The following MAGI2 variants were observed in gnomAD, a reference collection of about 807,000 sequenced individuals.
MAGI2 encodes membrane-associated guanylate kinase, WW and PDZ domain-containing protein 2.
Under a neutral mutation model 133.3 loss-of-function variants are expected in MAGI2, and 35 were observed. That is an observed-to-expected ratio of 0.26 (90% CI 0.20 to 0.35). The LOEUF (loss-of-function observed/expected upper bound fraction) is 0.35, where lower values mean the gene tolerates loss of function less well. Ranked by LOEUF, MAGI2 falls within the 10% of genes least tolerant of loss-of-function variation. The pLI, the probability that MAGI2 is intolerant of heterozygous loss-of-function variation, is 1.00. For synonymous variants in MAGI2, 729 were observed against 710.6 expected (o/e 1.03, Z -0.41); for missense variants, 1,636 against 1,863.4 (o/e 0.88, Z 2.25).
intron 1 of MAGI2, among the ~76,000 whole-genome samples, chr7:79,418,865 A>G (rs968136567): frequency 8.2e-5 from 7 of 84,898 alleles, no homozygotes; most frequent in East Asian, 3.4e-4. Context: ...ACACACACAC[A>G]CACGCACACA....
intron 1 of MAGI2, among the ~76,000 whole-genome samples, chr7:79,337,321 G>A (rs1209946463): frequency 1.3e-5 from 2 of 152,146 alleles, no homozygotes; most frequent in East Asian, 1.9e-4. Flanking sequence ...AATTCATTGT[G>A]AATTCTATAG....
Position 78,810,920 on chromosome 7 carries a change from A to G in MAGI2, c.419-183681T>C, listed in dbSNP as rs1346960349. 2.0e-5 allele frequency among the ~76,000 whole-genome samples: 3 copies of G among 152,080 alleles called. No homozygotes were observed. In the South Asian group the frequency reaches 6.2e-4, roughly 31 times the overall value. Reference sequence around the variant, plus strand: ...GGAATAATGAGTCATTATTTCTTCTAAAACTTATTTCAAATTATAAGATAT... The same window carrying G: ...GGAATAATGAGTCATTATTTCTTCTGAAACTTATTTCAAATTATAAGATAT... On this transcript the variant is annotated intron_variant, in intron 2 of 21. Coordinates refer to ENST00000354212, the MANE Select transcript of MAGI2 (RefSeq NM_012301.4).
chr7:78,241,650 T>G (rs941915038), intron 10 of MAGI2, among the ~76,000 whole-genome samples: 4 of 152,116 alleles, frequency 2.6e-5, no homozygotes, highest in East Asian at 1.9e-4. Flanking sequence ...AAAGATTTCA[T>G]GGCCAGGTGC....
intron 2 of MAGI2, among the ~76,000 whole-genome samples, chr7:78,950,062 C>G (rs566502725): frequency 6.6e-6 from 1 of 152,142 alleles, no homozygotes; most frequent in Admixed American, 6.5e-5. Flanking sequence ...CTTCTTTCCC[C>G]TCCTCTGCAT....
intron 2 of MAGI2, among the ~76,000 whole-genome samples, chr7:78,786,740 A>G (rs37852): frequency 0.69 from 104,206 of 152,020 alleles, 36,017 homozygotes; most frequent in African/African-American, 0.74. Flanking sequence ...ATTTTTCTTT[A>G]GTGCTTATCA....
intron 2 of MAGI2, among the ~76,000 whole-genome samples, chr7:78,740,506 G>A (rs1822308554): frequency 6.6e-6 from 1 of 152,128 alleles, no homozygotes. Flanking sequence ...CAGAAGCGAT[G>A]GTACTTGTAC....
intron 3 of MAGI2, among the ~76,000 whole-genome samples, chr7:78,599,076 G>T (rs145578586): frequency 2.2e-4 from 33 of 152,246 alleles, no homozygotes; most frequent in African/African-American, 7.5e-4. Context: ...TAAAGATGCA[G>T]ATTTATCATT....
intron 2 of MAGI2, among the ~76,000 whole-genome samples, chr7:78,844,850 A>G (rs1340527271): frequency 6.6e-6 from 1 of 151,908 alleles, no homozygotes; most frequent in Non-Finnish European, 1.5e-5. Flanking sequence ...AAATCCATCT[A>G]TTATTAATTT....
intron 1 of MAGI2, among the ~76,000 whole-genome samples, chr7:79,011,900 C>T (rs1044862115): frequency 1.5e-5 from 2 of 136,396 alleles, no homozygotes; most frequent in East Asian, 4.3e-4. Flanking sequence ...TTCCTTCCTT[C>T]CTTCCTTCCT....
At chr7:78,653,795 A>G (rs62470075) in intron 2 of MAGI2, among the ~76,000 whole-genome samples, 1 of 150,170 alleles carries the variant, frequency 6.7e-6, no homozygotes, top group Non-Finnish European at 1.5e-5. Flanking sequence ...AAAAAAAACA[A>G]GGATAAAGAA....
chr7:79,229,928 A>G lies in MAGI2; in HGVS notation c.302-222722T>C, dbSNP rs1459291862. Among the ~76,000 whole-genome samples, 24 of 137,928 alleles carry G rather than the reference A, an allele frequency of 1.7e-4. 1 individual carries two copies. The highest frequency in any genetic ancestry group is 1.7e-3 in the South Asian group (6 of 3,636). 90.5% of individuals were successfully genotyped at this position (137,928 alleles called of 152,430 possible). A position where few individuals can be genotyped will look rare whatever the true frequency, so the allele number is the denominator to read the frequency against. ...CATCTAGCATTAGGTATATCTCCCAATGCTATCCCTCCCCCCTCCCCCCAC... is the reference window on the plus strand; with the variant it reads ...CATCTAGCATTAGGTATATCTCCCAGTGCTATCCCTCCCCCCTCCCCCCAC... On this transcript the variant is annotated intron_variant, in intron 1 of 21. Transcript: ENST00000354212.
rs1393197423 is a variant in MAGI2, at chr7:79,157,591, C to T, written c.302-150385G>A. On this transcript the variant is annotated intron_variant, in intron 1 of 21. Transcript: ENST00000354212. ...AAAAAAAAAGTAGGAAACAAATAAT[C>T]AACAAATAAGGCAAGAACAAGCAGA... Among the ~76,000 whole-genome samples the T allele has an allele frequency of 2.7e-5, 4 of 150,506 alleles. No homozygotes were observed. In the East Asian group the frequency reaches 5.9e-4, roughly 22 times the overall value.
intron 14 of MAGI2, among the ~76,000 whole-genome samples, chr7:78,172,171 A>G (rs963171856): frequency 6.6e-6 from 1 of 152,222 alleles, no homozygotes; most frequent in African/African-American, 2.4e-5. Context: ...ACTAAAAAGA[A>G]AAAAAACCAA....
At chr7:79,373,042 A>G (rs1843151603) in intron 1 of MAGI2, among the ~76,000 whole-genome samples, 1 of 152,118 alleles carries the variant, frequency 6.6e-6, no homozygotes, top group African/African-American at 2.4e-5. Context: ...AAATTAAATG[A>G]TTTCAGGTCA....
intron 21 of MAGI2, among the ~76,000 whole-genome samples, chr7:78,021,583 G>T (rs1808400517): frequency 6.6e-6 from 1 of 152,198 alleles, no homozygotes; most frequent in Non-Finnish European, 1.5e-5. Flanking sequence ...AGTGGCAATG[G>T]TTTTCCCAAT....
chr7:78,642,017 T>C (rs1435323243), intron 2 of MAGI2, among the ~76,000 whole-genome samples: 1 of 152,194 alleles, frequency 6.6e-6, no homozygotes, highest in Non-Finnish European at 1.5e-5. Flanking sequence ...GGTATAATTA[T>C]ATAAGCAAAT....
At chr7:78,863,693 A>G (rs1363479022) in intron 2 of MAGI2, among the ~76,000 whole-genome samples, 1 of 152,242 alleles carries the variant, frequency 6.6e-6, no homozygotes, top group African/African-American at 2.4e-5. Flanking sequence ...TTGCTCACAG[A>G]TAAATATAGG....
At chr7:78,023,837 A>G (rs938349947) in intron 21 of MAGI2, among the ~76,000 whole-genome samples, 1 of 152,244 alleles carries the variant, frequency 6.6e-6, no homozygotes, top group African/African-American at 2.4e-5. Context: ...AATATTTGGG[A>G]AAAATACAAA....
chr7:79,300,205 G>C (rs954655274), intron 1 of MAGI2, among the ~76,000 whole-genome samples: 5 of 152,286 alleles, frequency 3.3e-5, no homozygotes, highest in African/African-American at 1.2e-4. Context: ...AGAGTTTGGA[G>C]GGCTCAGAGG....
Sources: gnomAD v4.1 joint callset for allele counts (sites outside exome capture counted in the v4.1 genomes callset) on GRCh38, gnomAD v4.1.1 for gene constraint, MANE v1.5 for transcripts, NCBI Gene and HGNC (gene_info 2026-07-23, HGNC 2026-07-21) for gene names.